ZNF343: variants seen among roughly 807,000 people sequenced by gnomAD.
The protein encoded by ZNF343 is zinc finger protein 343.
In ZNF343, 11 loss-of-function variants were observed where a neutral mutation model predicts 13.8. That is an observed-to-expected ratio of 0.80 (90% confidence interval 0.50 to 1.32). The LOEUF (loss-of-function observed/expected upper bound fraction) is 1.32, where lower values mean the gene tolerates loss of function less well. Ranked by LOEUF, ZNF343 falls within the 40% of genes most tolerant of loss-of-function variation. The pLI, the probability that ZNF343 is intolerant of heterozygous loss-of-function variation, is 0.00. For missense variants in ZNF343, 658 were observed against 714.2 expected (o/e 0.92, Z 0.90); for synonymous variants, 248 against 260.0 (o/e 0.95, Z 0.44).
intron 1 of ZNF343, among the ~76,000 whole-genome samples, chr20:2,515,002 C>CA (rs34761814): frequency 0.26 from 24,279 of 94,334 alleles, 2,197 homozygotes; most frequent in South Asian, 0.4. Context: ...GACATTGTAT[C>CA]AAAAAAAAAA....
At chr20:2,497,029 G>A (rs920429278) in intron 2 of ZNF343, among the ~76,000 whole-genome samples, 1 of 151,992 alleles carries the variant, frequency 6.6e-6, no homozygotes, top group East Asian at 1.9e-4. Flanking sequence ...GCGGTGAGCC[G>A]AGATCGCACC....
At chr20:2,489,305 C>T (rs1426927932) in intron 5 of ZNF343, among the ~76,000 whole-genome samples, 1 of 152,148 alleles carries the variant, frequency 6.6e-6, no homozygotes, top group Non-Finnish European at 1.5e-5. Flanking sequence ...ATTCATGTTC[C>T]TCCTTGACCT....
intron 2 of ZNF343, among the ~76,000 whole-genome samples, chr20:2,497,319 G>A (rs1024225811): frequency 2.0e-5 from 3 of 152,148 alleles, no homozygotes; most frequent in African/African-American, 7.2e-5. Context: ...AGGCAGAGGA[G>A]GAAGATGGAG....
Position 2,483,845 on chromosome 20 carries a change from CTGG to C in ZNF343, c.1113_1115del (p.His371del). 1.9e-6 allele frequency: 3 copies of C among 1,614,126 alleles called. No homozygotes were observed. The highest frequency in any genetic ancestry group is 2.5e-6 in the Non-Finnish European group (3 of 1,179,992). On this transcript the variant is annotated inframe_deletion, in exon 6 of 6. Coordinates refer to ENST00000278772, the MANE Select transcript of ZNF343 (RefSeq NM_024325.6). ...AGGGTTTCTCACCGGAGTGTGTCCT[CTGG>C]TGTCTGATGAAGGATGACTTCTCGC...
At chr20:2,489,244 G>A (rs1223544243) in intron 5 of ZNF343, among the ~76,000 whole-genome samples, 1 of 152,192 alleles carries the variant, frequency 6.6e-6, no homozygotes. Flanking sequence ...AAAGGGAGAA[G>A]TGAATGATAA....
chr20:2,488,534 A>C (rs1031777358), intron 5 of ZNF343, among the ~76,000 whole-genome samples: 27 of 152,046 alleles, frequency 1.8e-4, no homozygotes, highest in African/African-American at 6.0e-4. Flanking sequence ...CTTCAACTCA[A>C]AGGACACATT....
chr20:2,503,134 G>A lies in ZNF343; in HGVS notation c.-236-2392C>T, dbSNP rs183752155. Reference sequence around the variant, plus strand: ...TGGAGGAAGATCTACCAAGCAAATGGAAAACAAAAAAAGATAGGTGTTGCA... The same window carrying A: ...TGGAGGAAGATCTACCAAGCAAATGAAAAACAAAAAAAGATAGGTGTTGCA... On this transcript the variant is annotated intron_variant, in intron 1 of 5. Coordinates refer to ENST00000278772, the MANE Select transcript of ZNF343 (RefSeq NM_024325.6). 8.3e-3 allele frequency among the ~76,000 whole-genome samples: 1,260 copies of A among 151,728 alleles called. 6 individuals carry two copies. Among genetic ancestry groups the A allele is most frequent in the African/African-American group, 0.015 (607 of 41,450 alleles).
intron 5 of ZNF343, among the ~76,000 whole-genome samples, chr20:2,486,211 C>CAAA (rs775503399): frequency 4.6e-5 from 7 of 152,102 alleles, no homozygotes; most frequent in Non-Finnish European, 7.3e-5. Flanking sequence ...TATTTTGTGT[C>CAAA]AAACACTGGA....
At chr20:2,522,028 A>C (rs569346215) in intron 1 of ZNF343, among the ~76,000 whole-genome samples, 13 of 152,236 alleles carry the variant, frequency 8.5e-5, no homozygotes, top group Non-Finnish European at 1.9e-4. Flanking sequence ...GCTTGATTTA[A>C]CATAAACTCT....
intron 1 of ZNF343, among the ~76,000 whole-genome samples, chr20:2,521,509 C>T (rs2085782352): frequency 6.6e-6 from 1 of 152,174 alleles, no homozygotes; most frequent in Admixed American, 6.5e-5. Flanking sequence ...GGGCCCTCAC[C>T]TGATGGGAGA....
intron 5 of ZNF343, among the ~76,000 whole-genome samples, chr20:2,488,655 T>C (rs2085318730): frequency 6.6e-6 from 1 of 152,210 alleles, no homozygotes; most frequent in Non-Finnish European, 1.5e-5. Flanking sequence ...TATTTTTCCA[T>C]GTGAATTTCA....
At chr20:2,522,553 T>G (rs1406112831) in intron 1 of ZNF343, among the ~76,000 whole-genome samples, 2 of 152,248 alleles carry the variant, frequency 1.3e-5, no homozygotes, top group Non-Finnish European at 2.9e-5. Context: ...TAACGTACTG[T>G]GTAGTTCACA....
rs199990768 is a variant in ZNF343 at position 2,483,893 on chromosome 20, G to A, written c.1068C>T (p.Ser356=). ...THSEEKPYVC[S]ECGRGFSEKS... Reference sequence around the variant, plus strand: ...TCTCGCTAAAGCCTCGCCCACACTCGCTGCAAACATAGGGCTTCTCCTCTG... The same window carrying A: ...TCTCGCTAAAGCCTCGCCCACACTCACTGCAAACATAGGGCTTCTCCTCTG... The change falls in exon 6 of 6, where the codon AGC becomes AGT. Residue 356 remains serine (S), a synonymous_variant. Transcript: ENST00000278772. 3.4e-5 allele frequency: 55 copies of A among 1,613,326 alleles called. No homozygotes were observed. Among genetic ancestry groups the A allele is most frequent in the Middle Eastern group, 3.3e-4 (2 of 6,058 alleles).
upstream of ZNF343, among the ~76,000 whole-genome samples, chr20:2,509,837 A>C (rs1401568352): frequency 3.3e-5 from 5 of 152,198 alleles, no homozygotes; most frequent in African/African-American, 1.2e-4. Context: ...TTGTTACTGA[A>C]GGGGAAATAA....
rs964029932 is a variant in ZNF343 at position 2,491,668 on chromosome 20, T to A, written c.304+1031A>T. ...ATAAAGAAAGTTTTATTGGAACATA[T>A]CAATGCTCATCCGTTCACATACTGT... is the stretch of plus-strand genomic sequence containing the variant. On this transcript the variant is annotated intron_variant, in intron 5 of 5. Coordinates refer to ENST00000278772, the MANE Select transcript of ZNF343 (RefSeq NM_024325.6). Among the ~76,000 whole-genome samples the A allele has an allele frequency of 3.3e-5, 5 of 152,166 alleles. No homozygotes were observed. The South Asian group carries it at 8.3e-4, about 25-fold the overall frequency.
In ZNF343 at chr20:2,508,648, G is replaced by A. The variant is rs529339757; in HGVS notation, c.-237+233C>T. On this transcript the variant is annotated intron_variant, in intron 1 of 5. Transcript: ENST00000278772. This position sits in a 1 kb window ranked among gnomAD's most constrained non-coding sequence, Gnocchi z 4.5. ...AGTTCTAGGTCACTCTCGTCCCCCC[G>A]GGGGGAAAAAAGGTCCGCGGAGGTC... Among the ~76,000 whole-genome samples the A allele has an allele frequency of 1.4e-4, 21 of 152,096 alleles. No homozygotes were observed. Among genetic ancestry groups the A allele is most frequent in the Non-Finnish European group, 3.1e-4 (21 of 68,016 alleles).
intron 5 of ZNF343, among the ~76,000 whole-genome samples, chr20:2,491,478 A>T (rs1004244980): frequency 5.3e-5 from 8 of 152,228 alleles, no homozygotes; most frequent in African/African-American, 1.7e-4. Context: ...GATCTAGAAC[A>T]AGGAGTGGAA....
chr20:2,495,597 A>G (rs962597738), intron 2 of ZNF343: 3 of 152,220 alleles, frequency 2.0e-5, no homozygotes, highest in Non-Finnish European at 4.4e-5. Context: ...AAGCTGACAA[A>G]GCCTTTCTCC....
At chr20:2,491,855 T>A (rs1215121175) in intron 5 of ZNF343, 1 of 152,100 alleles carries the variant, frequency 6.6e-6, no homozygotes, top group Admixed American at 6.5e-5. Flanking sequence ...AATATTTTTT[T>A]ATTTTTTTTT....
Sources: allele counts gnomAD v4.1 joint callset (sites outside exome capture counted in the v4.1 genomes callset), GRCh38; gene constraint gnomAD v4.1.1; non-coding constraint Gnocchi (gnomAD v3.1); transcripts MANE v1.5; gene names NCBI Gene and HGNC (gene_info 2026-07-23, HGNC 2026-07-21).